The following PDK1 variants were observed in gnomAD, a reference collection of about 807,000 sequenced individuals.
PDK1 encodes pyruvate dehydrogenase kinase 1.
Under a neutral mutation model 54.2 loss-of-function variants are expected in PDK1, and 39 were observed. The ratio of observed to expected loss-of-function variants is 0.72; its 90% CI spans 0.56 to 0.94. PDK1 has a LOEUF of 0.94. Among genes scored for constraint, PDK1 ranks in the 40% least tolerant of loss-of-function variants. The pLI is 0.00. For synonymous variants in PDK1, 221 were observed against 207.1 expected (o/e 1.07, Z -0.58); for missense variants, 552 against 566.0 (o/e 0.98, Z 0.25).
chr2:172,576,838 A>C (rs1341678720), intron 8 of PDK1, among the ~76,000 whole-genome samples: 1 of 152,166 alleles, frequency 6.6e-6, no homozygotes, highest in Non-Finnish European at 1.5e-5. Flanking sequence ...GTATGATTTC[A>C]AGTATACATC....
the PDK1 span, among the ~76,000 whole-genome samples, chr2:172,643,596 GT>G: frequency 1.3e-5 from 2 of 152,172 alleles, no homozygotes; most frequent in Non-Finnish European, 2.9e-5. Flanking sequence ...CACATCTCCA[GT>G]GTGTGCACCC....
the PDK1 span, among the ~76,000 whole-genome samples, chr2:172,636,123 A>T: frequency 6.6e-6 from 1 of 152,300 alleles, no homozygotes; most frequent in South Asian, 2.1e-4. Flanking sequence ...ACAAATTAGA[A>T]TCCTGTGAAC....
chr2:172,618,991 A>T, the PDK1 span, among the ~76,000 whole-genome samples: 14 of 152,318 alleles, frequency 9.2e-5, no homozygotes, highest in Non-Finnish European at 1.9e-4. Context: ...CATCGACCCT[A>T]TAGAGCAACT....
the PDK1 span, among the ~76,000 whole-genome samples, chr2:172,655,074 A>G: frequency 6.6e-6 from 1 of 152,148 alleles, no homozygotes; most frequent in Non-Finnish European, 1.5e-5. Flanking sequence ...ATTTTGGATG[A>G]TAAGGGGAAC....
chr2:172,699,427 C>T, the PDK1 span, among the ~76,000 whole-genome samples: 3 of 150,386 alleles, frequency 2.0e-5, no homozygotes, highest in South Asian at 2.1e-4. Flanking sequence ...TCAACTGAAT[C>T]GTTCATATTT....
At chr2:172,628,753 A>C in the PDK1 span, among the ~76,000 whole-genome samples, 2 of 152,066 alleles carry the variant, frequency 1.3e-5, no homozygotes, top group African/African-American at 4.8e-5. Context: ...AGAGTATTCC[A>C]TAGTATACCT....
chr2:172,664,311 C>CAAAAAAAAAAAAAAAAAAAAAAAAAAA, the PDK1 span, among the ~76,000 whole-genome samples: 1 of 44,182 alleles, frequency 2.3e-5, no homozygotes, highest in African/African-American at 9.8e-5. Flanking sequence ...AACTCTGCCT[C>CAAAAAAAAAAAAAAAAAAAAAAAAAAA]AAAAAAAAAA....
At chr2:172,570,965 G>T in intron 8 of PDK1, 141 bp downstream of exon 8, 1 of 570,190 alleles carries the variant, frequency 1.8e-6, no homozygotes, top group Non-Finnish European at 3.1e-6. Flanking sequence ...TAGATAATAA[G>T]CACATTGCTT....
downstream of PDK1, among the ~76,000 whole-genome samples, chr2:172,610,711 A>C (rs1040309073): frequency 6.6e-5 from 10 of 152,022 alleles, no homozygotes; most frequent in Admixed American, 2.0e-4. Flanking sequence ...CCCAGGTTCA[A>C]GCGATTCTCC....
At chr2:172,635,630 G>GT in the PDK1 span, among the ~76,000 whole-genome samples, 1,035 of 152,208 alleles carry the variant, frequency 6.8e-3, 10 homozygotes, top group African/African-American at 0.022. Context: ...CTATTTTTCT[G>GT]TTTTTTGTAT....
Position 172,562,310 on chromosome 2 carries a change from C to T in PDK1, c.410+19C>T. 6.7e-7 allele frequency: 1 copy of T among 1,493,586 alleles called. No individual in the cohort carries two copies. The highest frequency in any genetic ancestry group is 1.2e-5 in the South Asian group (1 of 86,642). 92.5% of individuals were successfully genotyped at this position (1,493,586 alleles called of 1,614,324 possible). A position where few individuals can be genotyped will look rare whatever the true frequency, so the allele number is the denominator to read the frequency against. On this transcript the variant is annotated intron_variant, in intron 3 of 10. Coordinates refer to ENST00000282077, the MANE Select transcript of PDK1 (RefSeq NM_002610.5). Reference sequence around the variant, plus strand: ...TTTATGAGTAAGTTCACTATTTTGACCCTATTCTTAAACCTATTATTAGGT... The same window carrying T: ...TTTATGAGTAAGTTCACTATTTTGATCCTATTCTTAAACCTATTATTAGGT...
intron 8 of PDK1, among the ~76,000 whole-genome samples, chr2:172,577,351 T>C (rs537179526): frequency 6.6e-6 from 1 of 152,140 alleles, no homozygotes; most frequent in Non-Finnish European, 1.5e-5. Context: ...ATGTGTCTCT[T>C]TATAGCATAC....
At chr2:172,694,554 GTGCTAGTTT>G in the PDK1 span, among the ~76,000 whole-genome samples, 1 of 152,146 alleles carries the variant, frequency 6.6e-6, no homozygotes, top group Non-Finnish European at 1.5e-5. Flanking sequence ...TCTCAAGGAT[GTGCTAGTTT>G]GGTGAATTGG....
In PDK1 at chr2:172,569,279, A is replaced by G. The variant is rs980739839; in HGVS notation, c.846+462A>G. Among the ~76,000 whole-genome samples, 5 of 152,228 alleles carry G rather than the reference A, an allele frequency of 3.3e-5. No homozygotes were observed. The South Asian group carries it at 1.0e-3, about 32-fold the overall frequency. ...CTCAACTTGCTACCCTCAAAGGACCAGAATTCTTTTTTTGGTCTGGCTTTT... is the reference window on the plus strand; with the variant it reads ...CTCAACTTGCTACCCTCAAAGGACCGGAATTCTTTTTTTGGTCTGGCTTTT... On this transcript the variant is annotated intron_variant, in intron 7 of 10. Coordinates refer to ENST00000282077, the MANE Select transcript of PDK1 (RefSeq NM_002610.5).
At chr2:172,650,642 A>G in the PDK1 span, among the ~76,000 whole-genome samples, 1 of 152,094 alleles carries the variant, frequency 6.6e-6, no homozygotes, top group African/African-American at 2.4e-5. Flanking sequence ...AAGATCTACC[A>G]AGCAAATGGA....
the PDK1 span, chr2:172,674,916 C>G: frequency 2.6e-5 from 4 of 152,278 alleles, no homozygotes. Context: ...GGCCCAGTTC[C>G]ATTTTTCCAA....
Position 172,595,985 on chromosome 2 carries a change from C to G in PDK1, c.*16C>G, listed in dbSNP as rs773506156. On this transcript the variant is annotated 3_prime_UTR_variant, in exon 11 of 11. Coordinates refer to ENST00000282077, the MANE Select transcript of PDK1 (RefSeq NM_002610.5). ...CAGTGCCTAGACACACTTGGGACATCGGAAAATCCAAATGTGGCTTTTGTA... is the reference window on the plus strand; with the variant it reads ...CAGTGCCTAGACACACTTGGGACATGGGAAAATCCAAATGTGGCTTTTGTA... The G allele has an allele frequency of 6.3e-7, 1 of 1,594,586 alleles. No individual in the cohort carries two copies. Among genetic ancestry groups the G allele is most frequent in the Non-Finnish European group, 8.6e-7 (1 of 1,167,956 alleles).
At chr2:172,575,685 G>A (rs752879603) in intron 8 of PDK1, among the ~76,000 whole-genome samples, 5 of 151,968 alleles carry the variant, frequency 3.3e-5, no homozygotes, top group Admixed American at 1.3e-4. Context: ...AGCCAGGCAC[G>A]GTGGTGCGTG....
chr2:172,660,884 T>G, the PDK1 span, among the ~76,000 whole-genome samples: 1 of 152,112 alleles, frequency 6.6e-6, no homozygotes, highest in Admixed American at 6.5e-5. Context: ...GAGTTCCAGC[T>G]CTGGACTTAC....
Sources: gnomAD v4.1 joint callset for allele counts (sites outside exome capture counted in the v4.1 genomes callset) on GRCh38, gnomAD v4.1.1 for gene constraint, MANE v1.5 for transcripts, NCBI Gene and HGNC (gene_info 2026-07-23, HGNC 2026-07-21) for gene names.